Variants in MIDEAS observed in about 807,000 individuals in gnomAD.
The protein encoded by MIDEAS is mitotic deacetylase associated SANT domain protein.
A neutral mutation model predicts 102.7 loss-of-function variants in MIDEAS; 26 were observed. The ratio of observed to expected loss-of-function variants is 0.25; its 90% CI spans 0.19 to 0.35. The LOEUF (loss-of-function observed/expected upper bound fraction) is 0.35, where lower values mean the gene tolerates loss of function less well. Among genes scored for constraint, MIDEAS ranks in the 10% least tolerant of loss-of-function variants. The probability of loss-of-function intolerance (pLI) is 1.00; values close to 1 mark genes in which losing one functional copy is unlikely to be tolerated. For missense variants in MIDEAS, 1,231 were observed against 1,435.6 expected (o/e 0.86, Z 2.30); for synonymous variants, 585 against 591.0 (o/e 0.99, Z 0.15).
chr14:73,725,145 C>G lies in MIDEAS; in HGVS notation c.2574+127G>C. 1 of 719,224 alleles carries G rather than the reference C, an allele frequency of 1.4e-6. No homozygotes were observed. The allele number at this position is 719,224 out of a possible 1,614,324, so 44.6% of individuals were successfully genotyped here. A position where few individuals can be genotyped will look rare whatever the true frequency, so the allele number is the denominator to read the frequency against. On this transcript the variant is annotated intron_variant, in intron 9 of 12. Coordinates refer to ENST00000423556, the MANE Select transcript of MIDEAS (RefSeq NM_001367710.1). The surrounding 1 kb of genome is among the most constrained non-coding windows in gnomAD (Gnocchi z 4.1). ...TTTCTTGTATTGTTTAGGAAATTCT[C>G]TCTGAGGCTACTCAGTAGCATTGAC... is the stretch of plus-strand genomic sequence containing the variant.
intron 1 of MIDEAS, among the ~76,000 whole-genome samples, chr14:73,772,615 T>G (rs61374877): frequency 1.3e-5 from 2 of 151,916 alleles, no homozygotes; most frequent in African/African-American, 4.8e-5. Context: ...TTTTAAGCAA[T>G]GTTGCTATAA....
At chr14:73,786,204 C>G (rs1335445987) in intron 1 of MIDEAS, among the ~76,000 whole-genome samples, 1 of 152,194 alleles carries the variant, frequency 6.6e-6, no homozygotes, top group East Asian at 1.9e-4. Context: ...TGGCCCGGGC[C>G]GCCAGCCCCT....
At chr14:73,728,312 A>G (rs1232635209) in intron 4 of MIDEAS, 1 of 150,936 alleles carries the variant, frequency 6.6e-6, no homozygotes, top group African/African-American at 2.4e-5. Context: ...GCAATGTGAG[A>G]TAAAACCTGC....
At chr14:73,763,889 C>T (rs10133043), upstream of MIDEAS, among the ~76,000 whole-genome samples, 42,411 of 151,382 alleles carry the variant, frequency 0.28, 6,242 homozygotes, top group African/African-American at 0.32. Context: ...GCATGAACAA[C>T]GAAAGGATGC....
chr14:73,719,108 T>C, intron 12 of MIDEAS, 100 bp from the exon 13 acceptor site: 1 of 1,457,066 alleles, frequency 6.9e-7, no homozygotes, highest in East Asian at 2.5e-5. Flanking sequence ...ACCCCCACGC[T>C]GCACAGCCGC....
rs146288836 is a variant in MIDEAS at position 73,737,333 on chromosome 14, GT to G, written c.1450-37del. 2.2e-3 allele frequency: 3,541 copies of G among 1,586,378 alleles called. 77 individuals are homozygous for G. In the African/African-American group the frequency reaches 0.044, roughly 19 times the overall value. On this transcript the variant is annotated intron_variant, in intron 2 of 12. Coordinates refer to ENST00000423556, the MANE Select transcript of MIDEAS (RefSeq NM_001367710.1). ...TGGGAACAGAAGTGCAATTTAAAAG[GT>G]AAGTCATAGCCAGGCGCAGTGGCTC...
intron 1 of MIDEAS, among the ~76,000 whole-genome samples, chr14:73,783,748 G>A (rs897501837): frequency 8.5e-5 from 13 of 152,216 alleles, no homozygotes; most frequent in Non-Finnish European, 1.5e-4. Context: ...ATGCTTCAGT[G>A]AGAACAAGAA....
chr14:73,769,776 A>G (rs924362187), intron 1 of MIDEAS, among the ~76,000 whole-genome samples: 2 of 151,510 alleles, frequency 1.3e-5, no homozygotes, highest in Non-Finnish European at 2.9e-5. Flanking sequence ...TAATTTTTGT[A>G]TTTTTAGTAG....
chr14:73,719,086 G>GCCTTCA (rs1309618174), intron 12 of MIDEAS, 78 bp from the exon 13 acceptor site: 5 of 1,449,306 alleles, frequency 3.4e-6, no homozygotes, highest in Non-Finnish European at 4.5e-6. Context: ...AGGAGCCCCA[G>GCCTTCA]CCTTCACCTT....
chr14:73,733,691 A>G (rs955443898), intron 3 of MIDEAS, among the ~76,000 whole-genome samples: 1 of 152,118 alleles, frequency 6.6e-6, no homozygotes, highest in African/African-American at 2.4e-5. Flanking sequence ...CCAAGGATGC[A>G]TGTTTTCTTC....
At chr14:73,769,748 C>T (rs535000007) in intron 1 of MIDEAS, among the ~76,000 whole-genome samples, 37 of 152,106 alleles carry the variant, frequency 2.4e-4, no homozygotes, top group Non-Finnish European at 4.9e-4. Context: ...ACTGTAGGCA[C>T]GCACCACCAC....
intron 1 of MIDEAS, among the ~76,000 whole-genome samples, chr14:73,767,377 A>G (rs1328458830): frequency 6.6e-6 from 1 of 152,084 alleles, no homozygotes; most frequent in Non-Finnish European, 1.5e-5. Flanking sequence ...GCTCATGCCT[A>G]TAATCCCAGC....
chr14:73,717,711 T>C lies in MIDEAS; in HGVS notation c.*1132A>G, dbSNP rs1178612294. The C allele has an allele frequency of 6.6e-6, 1 of 152,636 alleles. No homozygotes were observed. Among genetic ancestry groups the C allele is most frequent in the Non-Finnish European group, 1.5e-5 (1 of 68,040 alleles). 9.5% of individuals were successfully genotyped at this position (152,636 alleles called of 1,614,324 possible). A position where few individuals can be genotyped will look rare whatever the true frequency, so the allele number is the denominator to read the frequency against. On this transcript the variant is annotated 3_prime_UTR_variant, in exon 13 of 13. Coordinates refer to ENST00000423556, the MANE Select transcript of MIDEAS (RefSeq NM_001367710.1). ...AGGAGGCCCCTGGTCCCTGAGAGGATGTTAAAAATTAAATACTAAGAATAA... is the reference window on the plus strand; with the variant it reads ...AGGAGGCCCCTGGTCCCTGAGAGGACGTTAAAAATTAAATACTAAGAATAA...
At chr14:73,782,852 G>C (rs2053768903) in intron 1 of MIDEAS, among the ~76,000 whole-genome samples, 1 of 152,208 alleles carries the variant, frequency 6.6e-6, no homozygotes, top group Non-Finnish European at 1.5e-5. Context: ...AAACAATGAG[G>C]TGCAAAGCCA....
At chr14:73,731,358 C>T (rs149157466) in intron 3 of MIDEAS, among the ~76,000 whole-genome samples, 74 of 152,294 alleles carry the variant, frequency 4.9e-4, no homozygotes, top group African/African-American at 1.7e-3. Flanking sequence ...GCCCTGACTC[C>T]CTCTGAGGCT....
At chr14:73,751,894 C>T (rs2053425062) in intron 1 of MIDEAS, among the ~76,000 whole-genome samples, 1 of 152,070 alleles carries the variant, frequency 6.6e-6, no homozygotes, top group South Asian at 2.1e-4. Context: ...GAGCAAAACT[C>T]TGTCTCAAAA....
chr14:73,787,914 G>C (rs116258979), upstream of MIDEAS, among the ~76,000 whole-genome samples: 1,816 of 152,272 alleles, frequency 0.012, 38 homozygotes, highest in African/African-American at 0.042. Context: ...GATGCATTCT[G>C]TGTTTCATCA....
Position 73,727,029 on chromosome 14 carries a change from G to A in MIDEAS, c.2163-57C>T. 5.8e-6 allele frequency: 9 copies of A among 1,542,742 alleles called. No individual in the cohort carries two copies. The South Asian group carries it at 1.1e-4, about 19-fold the overall frequency. On this transcript the variant is annotated intron_variant, in intron 5 of 12. Transcript: ENST00000423556. ...CTCACCTTGCGGGGACGGAGAACTTGATGATCCCTCAGGGTGGGAAGAAGA... is the reference window on the plus strand; with the variant it reads ...CTCACCTTGCGGGGACGGAGAACTTAATGATCCCTCAGGGTGGGAAGAAGA...
intron 1 of MIDEAS, among the ~76,000 whole-genome samples, chr14:73,767,897 G>A (rs185873898): frequency 3.9e-4 from 59 of 152,152 alleles, no homozygotes; most frequent in African/African-American, 1.4e-3. Flanking sequence ...AGTGGCTCAC[G>A]CCTGTAATCC....
Sources: gnomAD v4.1 joint callset for allele counts (sites outside exome capture counted in the v4.1 genomes callset) on GRCh38, gnomAD v4.1.1 for gene constraint, Gnocchi (gnomAD v3.1) non-coding constraint, MANE v1.5 for transcripts, NCBI Gene and HGNC (gene_info 2026-07-23, HGNC 2026-07-21) for gene names.